VRK2: variants seen among roughly 807,000 people sequenced by gnomAD.
VRK2 encodes the protein VRK serine/threonine kinase 2.
In VRK2, 60 loss-of-function variants were observed where a neutral mutation model predicts 57.6. The ratio of observed to expected loss-of-function variants is 1.04; its 90% CI spans 0.85 to 1.29. VRK2 has a LOEUF of 1.29. VRK2 is among the 50% of genes most tolerant of loss of function. The probability of loss-of-function intolerance (pLI) is 0.00; values close to 1 mark genes in which losing one functional copy is unlikely to be tolerated. For synonymous variants in VRK2, 231 were observed against 199.2 expected (o/e 1.16, Z -1.35); for missense variants, 705 against 588.1 (o/e 1.20, Z -2.06).
At chr2:58,137,835 T>C (rs889260130) in intron 10 of VRK2, among the ~76,000 whole-genome samples, 1 of 152,200 alleles carries the variant, frequency 6.6e-6, no homozygotes, top group Non-Finnish European at 1.5e-5. Flanking sequence ...TCTGGCAATA[T>C]GCTAGTAAAT....
chr2:58,151,401 CTATGAT>C (rs1402207385), intron 12 of VRK2, among the ~76,000 whole-genome samples: 3 of 151,850 alleles, frequency 2.0e-5, no homozygotes, highest in African/African-American at 7.2e-5. Flanking sequence ...TCCAGCCTTC[CTATGAT>C]TAACATTTAT....
chr2:58,107,256 A>G (rs1016501119), intron 7 of VRK2, among the ~76,000 whole-genome samples: 2 of 152,096 alleles, frequency 1.3e-5, no homozygotes, highest in African/African-American at 2.4e-5. Context: ...ATACATATAT[A>G]TACTCTTCCC....
intron 1 of VRK2, among the ~76,000 whole-genome samples, chr2:57,970,975 G>A (rs186894885): frequency 6.6e-6 from 1 of 151,884 alleles, no homozygotes; most frequent in East Asian, 1.9e-4. Flanking sequence ...TTCACACTCT[G>A]GACTCTGCTG....
At chr2:58,046,738 G>A (rs1674795935), upstream of VRK2, 3 of 985,546 alleles carry the variant, frequency 3.0e-6, no homozygotes, top group Non-Finnish European at 3.6e-6. Context: ...AGTTAGGCAG[G>A]TCCTAGGGAG....
At chr2:57,907,808 T>G (rs1669871692) in exon 1 of VRK2, 1 of 152,188 alleles carries the variant, frequency 6.6e-6, no homozygotes, top group Non-Finnish European at 1.5e-5. Flanking sequence ...CAAATCTCTC[T>G]GCTTCCAATA....
At chr2:58,022,021 A>T (rs143697261) in intron 1 of VRK2, among the ~76,000 whole-genome samples, 11 of 152,320 alleles carry the variant, frequency 7.2e-5, no homozygotes, top group Admixed American at 1.3e-4. Context: ...CATATTGAGT[A>T]CCCATTACTC....
At chr2:57,969,428 G>A (rs1326717988) in intron 1 of VRK2, among the ~76,000 whole-genome samples, 2 of 151,830 alleles carry the variant, frequency 1.3e-5, no homozygotes, top group African/African-American at 2.4e-5. Flanking sequence ...TATAAATTTA[G>A]TTATTTTTTA....
chr2:58,092,615 A>G (rs1317320358), intron 7 of VRK2, among the ~76,000 whole-genome samples: 2 of 152,202 alleles, frequency 1.3e-5, no homozygotes, highest in Non-Finnish European at 2.9e-5. Context: ...TGACTGTACC[A>G]TTAAACATTC....
chr2:58,053,755 T>C (rs1171758442), intron 2 of VRK2, among the ~76,000 whole-genome samples: 1 of 152,142 alleles, frequency 6.6e-6, no homozygotes, highest in East Asian at 1.9e-4. Context: ...TGGTAGTGTT[T>C]ATAGAGAGCT....
intron 1 of VRK2, among the ~76,000 whole-genome samples, chr2:57,985,053 C>A (rs1042163831): frequency 6.6e-6 from 1 of 151,884 alleles, no homozygotes; most frequent in Non-Finnish European, 1.5e-5. Context: ...ATTTTCTGAT[C>A]ATTTGAGGCA....
At chr2:58,135,635 C>T (rs1209388825) in intron 10 of VRK2, among the ~76,000 whole-genome samples, 1 of 151,918 alleles carries the variant, frequency 6.6e-6, no homozygotes, top group Non-Finnish European at 1.5e-5. Flanking sequence ...ACACTGAATG[C>T]TGTTTAGACC....
At chr2:58,100,043 A>T (rs757975021) in intron 7 of VRK2, among the ~76,000 whole-genome samples, 3 of 152,030 alleles carry the variant, frequency 2.0e-5, no homozygotes, top group Non-Finnish European at 4.4e-5. Context: ...AAATTTAGTG[A>T]TCTGGAAGAA....
At chr2:58,045,656 G>A (rs1245708887), upstream of VRK2, among the ~76,000 whole-genome samples, 23 of 152,224 alleles carry the variant, frequency 1.5e-4, no homozygotes, top group East Asian at 5.8e-4. Flanking sequence ...TCATTTTGGT[G>A]ACAGTCTGAA....
chr2:57,924,790 CA>C (rs1273021364), intron 1 of VRK2, among the ~76,000 whole-genome samples: 1 of 151,898 alleles, frequency 6.6e-6, no homozygotes, highest in Non-Finnish European at 1.5e-5. Flanking sequence ...CCAAATCTTA[CA>C]GGAAAGGCTT....
intron 6 of VRK2, among the ~76,000 whole-genome samples, chr2:58,089,081 C>T (rs1277802093): frequency 6.6e-6 from 1 of 152,170 alleles, no homozygotes; most frequent in Non-Finnish European, 1.5e-5. Context: ...TATCCATCCT[C>T]GAAGCCAGCA....
intron 5 of VRK2, among the ~76,000 whole-genome samples, chr2:58,087,284 T>A (rs1190613280): frequency 6.6e-6 from 1 of 152,114 alleles, no homozygotes; most frequent in Non-Finnish European, 1.5e-5. Flanking sequence ...TGCTTTAAAT[T>A]TAAAAAAATG....
rs149578045 is a variant in VRK2 at position 58,035,208 on chromosome 2, T to C, written c.-6+1655T>C. Among the ~76,000 whole-genome samples, 20 of 152,122 alleles carry C rather than the reference T, an allele frequency of 1.3e-4. No homozygotes were observed. In the East Asian group the frequency reaches 3.9e-3, roughly 29 times the overall value. On this transcript the variant is annotated intron_variant, in intron 3 of 15. Transcript: ENST00000417641. ...GGCCAGTATTCATCTTTCCTTTCTG[T>C]TGCTACCATAGAATTATTTTCCTCT...
At chr2:58,050,383 G>A (rs1352779642) in intron 2 of VRK2, among the ~76,000 whole-genome samples, 2 of 152,186 alleles carry the variant, frequency 1.3e-5, no homozygotes, top group Non-Finnish European at 2.9e-5. Flanking sequence ...AAGACTATGT[G>A]AGGATAAGTA....
intron 2 of VRK2, among the ~76,000 whole-genome samples, chr2:58,076,279 T>C (rs1028271034): frequency 6.6e-6 from 1 of 151,990 alleles, no homozygotes; most frequent in Admixed American, 6.6e-5. Context: ...TTAATACATC[T>C]AGCCTACTAA....
Sources: gnomAD v4.1 joint callset for allele counts (sites outside exome capture counted in the v4.1 genomes callset) on GRCh38, gnomAD v4.1.1 for gene constraint, MANE v1.5 for transcripts, NCBI Gene and HGNC (gene_info 2026-07-23, HGNC 2026-07-21) for gene names.